BNIP2: variants seen among roughly 807,000 people sequenced by gnomAD.
BNIP2 encodes the protein BCL2/adenovirus E1B 19 kDa protein-interacting protein 2.
Under a neutral mutation model 43.4 loss-of-function variants are expected in BNIP2, and 36 were observed. The observed-to-expected ratio is 0.83, with a 90% CI of 0.64 to 1.10. The LOEUF (loss-of-function observed/expected upper bound fraction) is 1.10. Among genes scored for constraint, BNIP2 ranks in the 50% least tolerant of loss-of-function variants. The probability of loss-of-function intolerance (pLI) is 0.00; values close to 1 mark genes in which losing one functional copy is unlikely to be tolerated. For missense variants in BNIP2, 417 were observed against 374.1 expected (o/e 1.11, Z -0.95); for synonymous variants, 146 against 121.0 (o/e 1.21, Z -1.35).
intron 5 of BNIP2, among the ~76,000 whole-genome samples, chr15:59,676,170 A>T (rs749931259): frequency 1.1e-4 from 16 of 152,188 alleles, no homozygotes; most frequent in East Asian, 7.7e-4. Context: ...AGTTTAAAAA[A>T]TTTTTTAATT....
chr15:59,682,095 A>C (rs1452091511), intron 2 of BNIP2, among the ~76,000 whole-genome samples: 1 of 152,034 alleles, frequency 6.6e-6, no homozygotes, highest in African/African-American at 2.4e-5. Flanking sequence ...TTGGGAGGCC[A>C]AGGCAGGCAG....
chr15:59,666,582 G>A (rs1188698685), intron 9 of BNIP2, among the ~76,000 whole-genome samples: 5 of 152,104 alleles, frequency 3.3e-5, no homozygotes, highest in South Asian at 2.1e-4. Context: ...CAGCAGAATC[G>A]CTTGAACCCG....
At chr15:59,681,271 G>A (rs6151495) in intron 2 of BNIP2, among the ~76,000 whole-genome samples, 11 of 152,272 alleles carry the variant, frequency 7.2e-5, no homozygotes, top group African/African-American at 2.2e-4. Flanking sequence ...AGTACGGCAC[G>A]GAAGCACTAT....
chr15:59,679,697 G>A lies in BNIP2; in HGVS notation c.190C>T (p.Pro64Ser), dbSNP rs1439026611. 4.4e-6 allele frequency: 7 copies of A among 1,605,722 alleles called. No individual in the cohort carries two copies. Among genetic ancestry groups the A allele is most frequent in the African/African-American group, 1.3e-5 (1 of 74,204 alleles). Residue 64 changes from proline (P) to serine (S), a missense_variant, in exon 4 of 10, where the codon CCT becomes TCT. Coordinates refer to ENST00000607373, the MANE Select transcript of BNIP2 (RefSeq NM_004330.4). ...TCTGACAATACAGAGCCATCACTAG[G>A]ATCCAGTGTCAGGCTAATGTCTGGA... ...MAPDISLTLDPSDGSVLSDDL... is the reference protein window; with the variant it reads ...MAPDISLTLDSSDGSVLSDDL...
intron 7 of BNIP2, 95 bp downstream of exon 7, chr15:59,671,088 T>TC (rs1892874263): frequency 4.6e-6 from 5 of 1,095,252 alleles, no homozygotes; most frequent in Non-Finnish European, 4.9e-6. Flanking sequence ...AAAAAAAAAG[T>TC]TAAAAAAAAA....
chr15:59,671,427 A>G (rs1892906699), intron 6 of BNIP2, 113 bp from the exon 7 acceptor site: 1 of 885,488 alleles, frequency 1.1e-6, no homozygotes, highest in Non-Finnish European at 1.6e-6. Context: ...TGAGAGCAAC[A>G]ATGAAAATGC....
rs1007859934 is a variant in BNIP2 at position 59,662,157 on chromosome 15, T to C, written c.*1912A>G. 1.3e-5 allele frequency: 2 copies of C among 152,230 alleles called. No homozygotes were observed. The allele number at this position is 152,230 out of a possible 1,614,324, so 9.4% of individuals were successfully genotyped here. A position where few individuals can be genotyped will look rare whatever the true frequency, so the allele number is the denominator to read the frequency against. On this transcript the variant is annotated 3_prime_UTR_variant, in exon 10 of 10. Coordinates refer to ENST00000607373, the MANE Select transcript of BNIP2 (RefSeq NM_004330.4). ...TTAAACTGAAGAACCAAGTACTTAA[T>C]GTGGTAGAAAACCACCTATTAAAAA... is the stretch of plus-strand genomic sequence containing the variant.
At position 59,662,563 on chromosome 15, in the gene BNIP2, T is replaced by C. The variant is rs1291805332; in HGVS notation, c.*1506A>G. The C allele has an allele frequency of 6.6e-6, 1 of 152,202 alleles. No homozygotes were observed. Among genetic ancestry groups the C allele is most frequent in the African/African-American group, 2.4e-5 (1 of 41,442 alleles). 9.4% of individuals were successfully genotyped at this position (152,202 alleles called of 1,614,324 possible). ...TTAGGACTGAGGAGGACAAAAAATA[T>C]AGGAAAGTTCCCTTTTGTAACAGAA... On this transcript the variant is annotated 3_prime_UTR_variant, in exon 10 of 10. Coordinates refer to ENST00000607373, the MANE Select transcript of BNIP2 (RefSeq NM_004330.4).
At chr15:59,686,042 A>G (rs758276337) in intron 1 of BNIP2, among the ~76,000 whole-genome samples, 13 of 152,202 alleles carry the variant, frequency 8.5e-5, no homozygotes, top group Non-Finnish European at 1.9e-4. Flanking sequence ...TTCTCAATAG[A>G]TTGACTCTTG....
chr15:59,671,015 G>C (rs1892866133), intron 7 of BNIP2, among the ~76,000 whole-genome samples, 168 bp downstream of exon 7: 1 of 150,910 alleles, frequency 6.6e-6, no homozygotes, highest in Non-Finnish European at 1.5e-5. Flanking sequence ...GGAGGTTGCG[G>C]TGAACCGAGA....
rs6151509 is a variant in BNIP2, at chr15:59,680,288, C to G, written c.71G>C (p.Ser24Thr). The G allele has an allele frequency of 8.5e-4, 1,369 of 1,601,948 alleles. No homozygotes were observed. Among genetic ancestry groups the G allele is most frequent in the Non-Finnish European group, 1.1e-3 (1,288 of 1,173,358 alleles). The stretch of plus-strand genomic sequence containing the variant: ...TATAGCTAGTATATCTGCTTCAATA[C>G]TATCATCTTCTGGTAAAGGTCTAGA... ...DFPIPLPEDD[S>T]IEADILAITG... Residue 24 changes from serine (S) to threonine (T), a missense_variant, in exon 3 of 10, where the codon AGT (serine) becomes ACT (threonine). Transcript: ENST00000607373.
rs1479645460 is a variant in BNIP2 at position 59,660,261 on chromosome 15, CCT to C, written c.*3806_*3807del. 1.3e-5 allele frequency: 2 copies of C among 152,130 alleles called. No individual in the cohort carries two copies. The highest frequency in any genetic ancestry group is 4.8e-5 in the African/African-American group (2 of 41,402). The allele number at this position is 152,130 out of a possible 1,614,324, so 9.4% of individuals were successfully genotyped here. A position where few individuals can be genotyped will look rare whatever the true frequency, so the allele number is the denominator to read the frequency against. ...CATTAATGCCTCTTTTTACTCTATC[CCT>C]CTCAGATTTGTGGTCCATTTCTCAA... On this transcript the variant is annotated 3_prime_UTR_variant, in exon 10 of 10. Coordinates refer to ENST00000607373, the MANE Select transcript of BNIP2 (RefSeq NM_004330.4).
At chr15:59,683,772 T>G (rs1283793109) in intron 1 of BNIP2, among the ~76,000 whole-genome samples, 1 of 152,062 alleles carries the variant, frequency 6.6e-6, no homozygotes. Flanking sequence ...CGAGCCGAGG[T>G]CACACCATTG....
chr15:59,682,530 AATGT>A lies in BNIP2; in HGVS notation c.-57-20_-57-17del. ...AGCCAATGTCCTATGAAGAGAGAAA[AATGT>A]ATAACTTAATTTCCACTTTACTTTT... On this transcript the variant is annotated splice_polypyrimidine_tract_variant and intron_variant, in intron 1 of 9. Transcript: ENST00000607373. 1.3e-6 allele frequency: 2 copies of A among 1,577,156 alleles called. No homozygotes were observed. The highest frequency in any genetic ancestry group is 1.7e-6 in the Non-Finnish European group (2 of 1,160,590).
intron 2 of BNIP2, among the ~76,000 whole-genome samples, chr15:59,681,943 G>T (rs1329351998): frequency 2.6e-5 from 4 of 152,038 alleles, no homozygotes; most frequent in Non-Finnish European, 4.4e-5. Context: ...ATATATACTT[G>T]GTTGGAAAGT....
intron 9 of BNIP2, 124 bp from the exon 10 acceptor site, chr15:59,664,244 A>C: frequency 3.5e-6 from 2 of 574,558 alleles, no homozygotes; most frequent in Non-Finnish European, 5.5e-6. Context: ...AGAAGCAGAC[A>C]TAGTAAAAAC....
rs1435606758 is a variant in BNIP2 at position 59,671,219 on chromosome 15, C to A, written c.671G>T (p.Gly224Val). Residue 224 changes from glycine to valine, a missense_variant, in exon 7 of 10, where the codon GGA (glycine) becomes GTA (valine). Gly to Val is a moderately radical substitution (Grantham distance 109, BLOSUM62 -3). Coordinates refer to ENST00000607373, the MANE Select transcript of BNIP2 (RefSeq NM_004330.4). ...ATTRRKMPSL[G>V]WLRKCYQQID... is the part of the protein sequence containing the mutation. ...TTGCTGATAACATTTCCTGAGCCAT[C>A]CCAGACTGGGCATTTTTCTTCGAGT... 6.2e-7 allele frequency: 1 copy of A among 1,602,288 alleles called. No homozygotes were observed. The highest frequency in any genetic ancestry group is 1.7e-5 in the Admixed American group (1 of 58,340).
intron 1 of BNIP2, among the ~76,000 whole-genome samples, chr15:59,684,844 G>C (rs191682845): frequency 3.9e-4 from 60 of 152,178 alleles, no homozygotes; most frequent in African/African-American, 1.3e-3. Flanking sequence ...AAAAATAAAA[G>C]CAGAAACTGA....
chr15:59,682,638 A>T, intron 1 of BNIP2, 124 bp from the exon 2 acceptor site: 1 of 708,654 alleles, frequency 1.4e-6, no homozygotes, highest in Non-Finnish European at 2.1e-6. Flanking sequence ...CATGAAATTC[A>T]TTTACAGGGT....
Sources: gnomAD v4.1 joint callset for allele counts (sites outside exome capture counted in the v4.1 genomes callset) on GRCh38, gnomAD v4.1.1 for gene constraint, MANE v1.5 for transcripts, NCBI Gene and HGNC (gene_info 2026-07-23, HGNC 2026-07-21) for gene names.